Variants in SUGCT observed in about 807,000 individuals in gnomAD.
The protein encoded by SUGCT is succinyl-CoA:glutarate CoA-transferase.
SUGCT carries 41 observed loss-of-function variants against 55.0 expected under a neutral mutation model. The observed-to-expected ratio is 0.74, with a 90% CI of 0.58 to 0.97. The LOEUF (loss-of-function observed/expected upper bound fraction) is 0.97, where lower values mean the gene tolerates loss of function less well. Among genes scored for constraint, SUGCT ranks in the 50% least tolerant of loss-of-function variants. The pLI is 0.00. For missense variants in SUGCT, 568 were observed against 547.8 expected (o/e 1.04, Z -0.37); for synonymous variants, 187 against 200.4 (o/e 0.93, Z 0.56).
chr7:40,926,073 C>T, the SUGCT span, among the ~76,000 whole-genome samples: 1 of 151,890 alleles, frequency 6.6e-6, no homozygotes, highest in African/African-American at 2.4e-5. Flanking sequence ...TGCACTCCAG[C>T]CTGGGTGACA....
chr7:40,854,426 T>TTCTTTCTTTCTG (rs1794043213), intron 13 of SUGCT, among the ~76,000 whole-genome samples: 8 of 131,094 alleles, frequency 6.1e-5, no homozygotes, highest in Non-Finnish European at 1.3e-4. Flanking sequence ...TTTCCTTTCT[T>TTCTTTCTTTCTG]TCTTTCTTTC....
At chr7:40,171,316 C>A (rs1315694697) in intron 1 of SUGCT, among the ~76,000 whole-genome samples, 1 of 152,182 alleles carries the variant, frequency 6.6e-6, no homozygotes, top group Admixed American at 6.5e-5. Context: ...GTAAACAGCT[C>A]ACATGTTTGA....
chr7:40,834,778 G>A (rs1001987214), intron 13 of SUGCT, among the ~76,000 whole-genome samples: 2 of 152,056 alleles, frequency 1.3e-5, no homozygotes, highest in African/African-American at 4.8e-5. Context: ...CTTTTAACCG[G>A]CAAAAGAATG....
chr7:41,007,371 C>T, the SUGCT span, among the ~76,000 whole-genome samples: 2 of 152,186 alleles, frequency 1.3e-5, no homozygotes, highest in South Asian at 4.1e-4. Context: ...CTCCTTAATC[C>T]AGAGTAAAGC....
At chr7:41,023,023 C>A in the SUGCT span, among the ~76,000 whole-genome samples, 4 of 152,124 alleles carry the variant, frequency 2.6e-5, no homozygotes, top group African/African-American at 9.7e-5. Context: ...CACTTGCCTA[C>A]CCCAGGAGTG....
chr7:40,563,048 C>T (rs1462337170), intron 12 of SUGCT, among the ~76,000 whole-genome samples: 3 of 152,124 alleles, frequency 2.0e-5, no homozygotes, highest in Admixed American at 6.5e-5. Context: ...ACTCCTTCCC[C>T]TCTTCCTCCG....
At chr7:40,552,774 A>G (rs1451518920) in intron 12 of SUGCT, among the ~76,000 whole-genome samples, 1 of 29,412 alleles carries the variant, frequency 3.4e-5, no homozygotes, top group African/African-American at 1.3e-4. Context: ...CCCCACCCCC[A>G]CCACCCAGCT....
At chr7:40,605,234 C>T (rs1390801596) in intron 12 of SUGCT, among the ~76,000 whole-genome samples, 5 of 152,236 alleles carry the variant, frequency 3.3e-5, no homozygotes, top group Non-Finnish European at 5.9e-5. Context: ...CTCCAATCAA[C>T]TTCAGAGCCA....
intron 12 of SUGCT, among the ~76,000 whole-genome samples, chr7:40,601,153 A>T (rs760064208): frequency 6.6e-6 from 1 of 152,166 alleles, no homozygotes; most frequent in Non-Finnish European, 1.5e-5. Flanking sequence ...GAATGGCCAG[A>T]TGTATTAGTA....
intron 1 of SUGCT, among the ~76,000 whole-genome samples, chr7:40,148,141 C>T (rs1444210369): frequency 1.3e-5 from 2 of 150,052 alleles, no homozygotes; most frequent in Non-Finnish European, 2.9e-5. Context: ...CGGAATGAGT[C>T]AGGGTGGAGT....
At chr7:40,521,670 TTTTTTTAGAGATTAAC>T (rs1239985104) in intron 12 of SUGCT, among the ~76,000 whole-genome samples, 1 of 152,068 alleles carries the variant, frequency 6.6e-6, no homozygotes, top group African/African-American at 2.4e-5. Flanking sequence ...CTCATTTTAT[TTTTTTTAGAGATTAAC>T]TTTTCATGTA....
intron 12 of SUGCT, among the ~76,000 whole-genome samples, chr7:40,686,994 T>G (rs1429804543): frequency 2.6e-5 from 4 of 152,152 alleles, no homozygotes; most frequent in Non-Finnish European, 4.4e-5. Flanking sequence ...AGGATTCACA[T>G]GTTTGAACTG....
intron 7 of SUGCT, among the ~76,000 whole-genome samples, chr7:40,256,876 C>T (rs1251890669): frequency 5.3e-5 from 8 of 151,706 alleles, no homozygotes; most frequent in Admixed American, 6.6e-5. Context: ...CCTGAGTAGC[C>T]GGGACTACAG....
chr7:40,828,435 A>G (rs552470853), intron 13 of SUGCT, among the ~76,000 whole-genome samples: 4 of 152,294 alleles, frequency 2.6e-5, no homozygotes, highest in African/African-American at 9.6e-5. Context: ...AGGAATGAAA[A>G]AGAGCAGGGG....
intron 12 of SUGCT, among the ~76,000 whole-genome samples, chr7:40,664,206 T>C (rs1355205316): frequency 6.6e-6 from 1 of 152,224 alleles, no homozygotes; most frequent in Non-Finnish European, 1.5e-5. Context: ...CTTGCAGTAT[T>C]TTGTTATAGC....
the SUGCT span, among the ~76,000 whole-genome samples, chr7:40,892,220 G>A: frequency 2.7e-4 from 41 of 152,142 alleles, no homozygotes; most frequent in Non-Finnish European, 5.0e-4. Flanking sequence ...AAGTGTGGAG[G>A]GAGGAGAAGT....
At chr7:40,918,460 C>CAAA in the SUGCT span, among the ~76,000 whole-genome samples, 2,071 of 101,778 alleles carry the variant, frequency 0.02, 103 homozygotes, top group African/African-American at 0.068. Context: ...GACTCTGTCT[C>CAAA]AAAAAAAAAA....
chr7:40,532,526 CTGTGTG>C lies in SUGCT; in HGVS notation c.1089+36178_1089+36183del, dbSNP rs3048827. On this transcript the variant is annotated intron_variant, in intron 12 of 13. Coordinates refer to ENST00000335693, the MANE Select transcript of SUGCT (RefSeq NM_001193313.2). ...GACACCCTGAACTGAGCAAGTATGT[CTGTGTG>C]TGTGTGTGTGTGTGTGTGTGTGTGT... 1.8e-3 allele frequency among the ~76,000 whole-genome samples: 246 copies of C among 134,160 alleles called. 2 individuals carry two copies. Among genetic ancestry groups the C allele is most frequent in the East Asian group, 0.013 (57 of 4,548 alleles). 88.0% of individuals were successfully genotyped at this position (134,160 alleles called of 152,430 possible).
At position 40,860,437 on chromosome 7, in the gene SUGCT, GC is replaced by G; in HGVS notation, c.1276del (p.Leu426CysfsTer50). 6.2e-7 allele frequency: 1 copy of G among 1,613,940 alleles called. No individual in the cohort carries two copies. Among genetic ancestry groups the G allele is most frequent in the Non-Finnish European group, 8.5e-7 (1 of 1,179,834 alleles). ...LRYDDRAIGE[L>X]LSAGVVDQHE... ...GATACGATGACAGGGCCATCGGGGA[GC>G]TGCTCAGCGCTGGAGTGGTGGACCA... On this transcript the variant is annotated frameshift_variant, in exon 14 of 14. Transcript: ENST00000335693. LOFTEE classifies it high-confidence loss of function.
Sources: allele counts gnomAD v4.1 joint callset (sites outside exome capture counted in the v4.1 genomes callset), GRCh38; gene constraint gnomAD v4.1.1; transcripts MANE v1.5; gene names NCBI Gene and HGNC (gene_info 2026-07-23, HGNC 2026-07-21).